ROR2: variants seen among roughly 807,000 people sequenced by gnomAD.
ROR2 encodes the protein tyrosine-protein kinase transmembrane receptor ROR2.
Under a neutral mutation model 74.9 loss-of-function variants are expected in ROR2, and 33 were observed. The observed-to-expected ratio is 0.44, with a 90% CI of 0.33 to 0.59. The LOEUF (loss-of-function observed/expected upper bound fraction) is 0.59. ROR2 is among the 20% of genes least tolerant of loss of function. ROR2 has a pLI of 0.02. For synonymous variants in ROR2, 586 were observed against 558.7 expected (o/e 1.05, Z -0.69); for missense variants, 1,216 against 1,313.8 (o/e 0.93, Z 1.15).
chr9:91,875,178 C>T (rs1205446252), intron 1 of ROR2, among the ~76,000 whole-genome samples: 1 of 152,214 alleles, frequency 6.6e-6, no homozygotes, highest in Non-Finnish European at 1.5e-5. Context: ...ACTCTAACTT[C>T]AACATGTAAT....
chr9:91,916,584 T>C (rs933232668), intron 1 of ROR2, among the ~76,000 whole-genome samples: 2 of 152,226 alleles, frequency 1.3e-5, no homozygotes, highest in African/African-American at 2.4e-5. Context: ...ATTCCAAATA[T>C]TAGCCAGCCA....
chr9:91,814,877 C>G (rs1180609815), intron 1 of ROR2, among the ~76,000 whole-genome samples: 3 of 152,180 alleles, frequency 2.0e-5, no homozygotes, highest in Non-Finnish European at 4.4e-5. Flanking sequence ...CAAAGACAAC[C>G]CAGCTGAAAC....
chr9:91,933,411 C>T (rs1260088069), intron 1 of ROR2, among the ~76,000 whole-genome samples: 2 of 152,086 alleles, frequency 1.3e-5, no homozygotes, highest in Non-Finnish European at 2.9e-5. Flanking sequence ...ATGTTCACTA[C>T]AGACCTGTTT....
Position 91,767,977 on chromosome 9 carries a change from T to C in ROR2, c.175+7764A>G, listed in dbSNP as rs914727506. Among the ~76,000 whole-genome samples the C allele has an allele frequency of 3.3e-5, 5 of 152,220 alleles. No individual in the cohort carries two copies. The South Asian group carries it at 6.2e-4, about 19-fold the overall frequency. ...GAAGTTAAGAGGAGTCCTACTTGAT[T>C]AGAGAGGGCCCTAATCCAACAACAC... On this transcript the variant is annotated intron_variant, in intron 2 of 8. Coordinates refer to ENST00000375708, the MANE Select transcript of ROR2 (RefSeq NM_004560.4).
At chr9:91,805,642 G>A (rs892299447) in intron 1 of ROR2, among the ~76,000 whole-genome samples, 1 of 152,154 alleles carries the variant, frequency 6.6e-6, no homozygotes, top group African/African-American at 2.4e-5. Flanking sequence ...GTCTTCATAG[G>A]ATGGCAGCAG....
chr9:91,925,970 G>A (rs564181446), intron 1 of ROR2, among the ~76,000 whole-genome samples: 85 of 152,294 alleles, frequency 5.6e-4, no homozygotes, highest in South Asian at 2.7e-3. Flanking sequence ...TAGGCCTGGC[G>A]CGGTTGCTCA....
intron 6 of ROR2, among the ~76,000 whole-genome samples, chr9:91,732,274 C>T: frequency 6.6e-6 from 1 of 152,224 alleles, no homozygotes; most frequent in South Asian, 2.1e-4. Flanking sequence ...GAGACATAAG[C>T]AGCGCTCCCT....
At chr9:91,895,488 G>C (rs1173214245) in intron 1 of ROR2, among the ~76,000 whole-genome samples, 1 of 152,164 alleles carries the variant, frequency 6.6e-6, no homozygotes, top group Admixed American at 6.5e-5. Context: ...AGGTTACAGG[G>C]AATATGGGAA....
intron 1 of ROR2, among the ~76,000 whole-genome samples, chr9:91,804,686 A>C (rs1157918378): frequency 1.3e-5 from 2 of 152,154 alleles, no homozygotes; most frequent in Non-Finnish European, 2.9e-5. Flanking sequence ...TTCCCAATTC[A>C]CCAACTAGGG....
At chr9:91,826,296 C>T (rs1382584471) in intron 1 of ROR2, among the ~76,000 whole-genome samples, 1 of 152,194 alleles carries the variant, frequency 6.6e-6, no homozygotes, top group African/African-American at 2.4e-5. Flanking sequence ...CATTGTTATA[C>T]CCAGGTATAT....
chr9:91,920,145 A>G (rs1396790197), intron 1 of ROR2, among the ~76,000 whole-genome samples: 1 of 152,228 alleles, frequency 6.6e-6, no homozygotes, highest in Non-Finnish European at 1.5e-5. Flanking sequence ...AATGAATTCC[A>G]TGTTCATTAA....
chr9:91,728,575 C>T (rs537437228), intron 7 of ROR2, among the ~76,000 whole-genome samples: 3 of 152,156 alleles, frequency 2.0e-5, no homozygotes, highest in Middle Eastern at 3.4e-3. Flanking sequence ...GGATTACAGG[C>T]GCCCGCCACC....
chr9:91,922,038 A>G (rs1035977861), intron 1 of ROR2, among the ~76,000 whole-genome samples: 1 of 152,030 alleles, frequency 6.6e-6, no homozygotes, highest in Non-Finnish European at 1.5e-5. Flanking sequence ...CAAAATCACA[A>G]TGAGAGACCA....
chr9:91,864,261 A>G (rs7850118), intron 1 of ROR2, among the ~76,000 whole-genome samples: 71,581 of 152,054 alleles, frequency 0.47, 19,278 homozygotes, highest in African/African-American at 0.73. Flanking sequence ...AAAGAGATCC[A>G]CCTGTTTCCA....
At chr9:91,806,088 G>A (rs142820535) in intron 1 of ROR2, among the ~76,000 whole-genome samples, 5 of 152,322 alleles carry the variant, frequency 3.3e-5, no homozygotes, top group East Asian at 1.9e-4. Flanking sequence ...GTGACTGTTC[G>A]GGTGTGGAGG....
chr9:91,925,570 C>T, intron 1 of ROR2, among the ~76,000 whole-genome samples: 1 of 152,092 alleles, frequency 6.6e-6, no homozygotes, highest in Admixed American at 6.6e-5. Context: ...GACTTACCTC[C>T]ACACAAGCCC....
chr9:91,847,681 G>C (rs892523135), intron 1 of ROR2, among the ~76,000 whole-genome samples: 1 of 152,286 alleles, frequency 6.6e-6, no homozygotes, highest in African/African-American at 2.4e-5. Context: ...TGAGGGTCGA[G>C]AGCAGGCCTG....
chr9:91,807,439 T>C (rs927741861), intron 1 of ROR2, among the ~76,000 whole-genome samples: 27 of 152,252 alleles, frequency 1.8e-4, no homozygotes, highest in Admixed American at 5.2e-4. Context: ...TCCTTTGTAA[T>C]ACCCTTCAAA....
At chr9:91,886,672 T>TTCCGC (rs1830283930) in intron 1 of ROR2, 1 of 152,208 alleles carries the variant, frequency 6.6e-6, no homozygotes, top group Non-Finnish European at 1.5e-5. Context: ...ACAAACCAAA[T>TTCCGC]TCCGCTCCCG....
Sources: allele counts gnomAD v4.1 joint callset (sites outside exome capture counted in the v4.1 genomes callset), GRCh38; gene constraint gnomAD v4.1.1; transcripts MANE v1.5; gene names NCBI Gene and HGNC (gene_info 2026-07-23, HGNC 2026-07-21).